The following GCNT1 variants were observed in gnomAD, a reference collection of about 807,000 sequenced individuals.
GCNT1 encodes glucosaminyl (N-acetyl) transferase 1, also known as beta-1,3-galactosyl-O-glycosyl-glycoprotein beta-1,6-N-acetylglucosaminyltransferase.
Under a neutral mutation model 26.2 loss-of-function variants are expected in GCNT1, and 16 were observed. That is an observed-to-expected ratio of 0.61 (90% confidence interval 0.41 to 0.93). The LOEUF is 0.93. Ranked by LOEUF, GCNT1 falls within the 40% of genes least tolerant of loss-of-function variation. The pLI, the probability that GCNT1 is intolerant of heterozygous loss-of-function variation, is 0.00. For missense variants in GCNT1, 477 were observed against 526.7 expected, an observed-to-expected ratio of 0.91 and a Z score of 0.92; for synonymous variants, 183 against 190.8, an observed-to-expected ratio of 0.96 and a Z score of 0.34.
chr9:76,448,916 C>T (rs961089746), intron 1 of GCNT1, among the ~76,000 whole-genome samples: 1 of 152,210 alleles, frequency 6.6e-6, no homozygotes, highest in African/African-American at 2.4e-5. Flanking sequence ...GGCATCTGCT[C>T]ACTGTACATG....
chr9:76,413,655 T>G, the GCNT1 span, among the ~76,000 whole-genome samples: 1 of 9,694 alleles, frequency 1.0e-4, no homozygotes. Context: ...TTTGTTTTGT[T>G]TTTTTTTTTT....
the GCNT1 span, among the ~76,000 whole-genome samples, chr9:76,401,480 A>G: frequency 6.6e-6 from 1 of 152,186 alleles, no homozygotes; most frequent in Non-Finnish European, 1.5e-5. Flanking sequence ...CAAACTCATA[A>G]AATTTACTTC....
the GCNT1 span, among the ~76,000 whole-genome samples, chr9:76,395,404 C>G: frequency 2.0e-5 from 3 of 151,702 alleles, no homozygotes; most frequent in Non-Finnish European, 2.9e-5. Flanking sequence ...GTATGCATCT[C>G]TGATAAGATT....
chr9:76,506,113 G>A lies in GCNT1; in HGVS notation c.*2445G>A, dbSNP rs1055124092. 9 of 167,004 alleles carry A rather than the reference G, an allele frequency of 5.4e-5. No individual in the cohort carries two copies. Among genetic ancestry groups the A allele is most frequent in the African/African-American group, 1.9e-4 (8 of 41,458 alleles). The allele number at this position is 167,004 out of a possible 1,614,324, so 10.3% of individuals were successfully genotyped here. A position where few individuals can be genotyped will look rare whatever the true frequency, so the allele number is the denominator to read the frequency against. ...GACAAGAAATTTAAAGAATCAAAAC[G>A]ATGGTTTGAAAAGGAAACCTATGAT... On this transcript the variant is annotated 3_prime_UTR_variant, in exon 4 of 4. Transcript: ENST00000376730.
chr9:76,469,681 C>T (rs1422497367), intron 2 of GCNT1, among the ~76,000 whole-genome samples: 1 of 152,224 alleles, frequency 6.6e-6, no homozygotes, highest in Non-Finnish European at 1.5e-5. Context: ...AGGGTGTCCG[C>T]TGTGCTCCTG....
chr9:76,465,303 T>C (rs1228233924), intron 2 of GCNT1, among the ~76,000 whole-genome samples: 1 of 152,086 alleles, frequency 6.6e-6, no homozygotes, highest in Non-Finnish European at 1.5e-5. Context: ...TTTGTATTTT[T>C]AGTAGAGACG....
the GCNT1 span, among the ~76,000 whole-genome samples, chr9:76,397,094 C>A: frequency 6.6e-6 from 1 of 152,190 alleles, no homozygotes; most frequent in Non-Finnish European, 1.5e-5. Context: ...CCAGCCTGGA[C>A]AACATGGCAA....
At position 76,502,541 on chromosome 9, in the gene GCNT1, A is replaced by C; in HGVS notation, c.160A>C (p.Ser54Arg). The change falls in exon 4 of 4, where the codon AGT becomes CGT. Residue 54 changes from serine to arginine, a missense_variant. Ser to Arg is a moderately radical substitution (Grantham distance 110). Transcript: ENST00000376730. ...RHLELAGENP[S>R]SDINCTKVLQ... ...CTTGGAGCTTGCTGGGGAGAATCCT[A>C]GTAGTGATATTAATTGCACCAAAGT... 6.2e-7 allele frequency: 1 copy of C among 1,614,056 alleles called. No homozygotes were observed.
At chr9:76,489,939 G>C (rs1194987862) in intron 2 of GCNT1, among the ~76,000 whole-genome samples, 1 of 151,194 alleles carries the variant, frequency 6.6e-6, no homozygotes, top group Non-Finnish European at 1.5e-5. Context: ...GAGCTCATTT[G>C]GGGTTCCATT....
At chr9:76,418,410 G>T (rs1157737039), upstream of GCNT1, among the ~76,000 whole-genome samples, 1 of 152,122 alleles carries the variant, frequency 6.6e-6, no homozygotes, top group Non-Finnish European at 1.5e-5. Flanking sequence ...GTATAATGAG[G>T]CATGTCCCAC....
At chr9:76,408,628 G>A in the GCNT1 span, among the ~76,000 whole-genome samples, 1 of 152,046 alleles carries the variant, frequency 6.6e-6, no homozygotes, top group Non-Finnish European at 1.5e-5. Context: ...TTTGGTATTA[G>A]GATAATGCTG....
the GCNT1 span, chr9:76,399,077 C>T: frequency 6.3e-7 from 1 of 1,595,476 alleles, no homozygotes; most frequent in Non-Finnish European, 8.5e-7. Context: ...GGTTACTGAC[C>T]CCAGGGCTGA....
upstream of GCNT1, among the ~76,000 whole-genome samples, chr9:76,438,239 G>T (rs1823435792): frequency 6.6e-6 from 1 of 152,186 alleles, no homozygotes; most frequent in Non-Finnish European, 1.5e-5. Flanking sequence ...TATTTACGTG[G>T]GTTTGATCTG....
chr9:76,396,483 GAAAC>G, the GCNT1 span, among the ~76,000 whole-genome samples: 2 of 149,896 alleles, frequency 1.3e-5, no homozygotes, highest in Non-Finnish European at 3.0e-5. Context: ...GAAAAGAAAA[GAAAC>G]AAGAAAAAAA....
chr9:76,498,982 A>G (rs1175991108), intron 2 of GCNT1, among the ~76,000 whole-genome samples: 2 of 151,994 alleles, frequency 1.3e-5, no homozygotes, highest in East Asian at 3.9e-4. Flanking sequence ...GTTGCTGTCT[A>G]GAATCTTTTC....
At chr9:76,471,678 C>G (rs1824135833) in intron 2 of GCNT1, among the ~76,000 whole-genome samples, 1 of 152,000 alleles carries the variant, frequency 6.6e-6, no homozygotes, top group African/African-American at 2.4e-5. Flanking sequence ...AAGTGTTTTC[C>G]AAAGACATTT....
chr9:76,439,325 A>C (rs536854533), upstream of GCNT1, among the ~76,000 whole-genome samples: 1 of 149,412 alleles, frequency 6.7e-6, no homozygotes, highest in South Asian at 2.1e-4. Context: ...CCCAGGTTCA[A>C]GTGATCCCTC....
intron 2 of GCNT1, among the ~76,000 whole-genome samples, chr9:76,489,747 C>G (rs1159615674): frequency 6.6e-6 from 1 of 152,144 alleles, no homozygotes. Context: ...CTCTCAATCC[C>G]CCCTCTAAAC....
At chr9:76,491,365 T>C (rs1223853220) in intron 2 of GCNT1, among the ~76,000 whole-genome samples, 1 of 152,272 alleles carries the variant, frequency 6.6e-6, no homozygotes, top group Non-Finnish European at 1.5e-5. Flanking sequence ...TTTGGGTTTT[T>C]GCACTGCATG....
Sources: gnomAD v4.1 joint callset for allele counts (sites outside exome capture counted in the v4.1 genomes callset) on GRCh38, gnomAD v4.1.1 for gene constraint, MANE v1.5 for transcripts, NCBI Gene and HGNC (gene_info 2026-07-23, HGNC 2026-07-21) for gene names.